Variants in OTUD7A observed in about 807,000 individuals in gnomAD.
OTUD7A encodes OTU deubiquitinase 7A, also known as OTU domain-containing protein 7A.
OTUD7A carries 12 observed loss-of-function variants against 65.7 expected under a neutral mutation model. That is an observed-to-expected ratio of 0.18 (90% CI 0.12 to 0.30). The LOEUF (loss-of-function observed/expected upper bound fraction) is 0.30, where lower values mean the gene tolerates loss of function less well. Among genes scored for constraint, OTUD7A ranks in the 10% least tolerant of loss-of-function variants. The pLI is 1.00. For synonymous variants in OTUD7A, 641 were observed against 586.3 expected, an observed-to-expected ratio of 1.09 and a Z score of -1.35; for missense variants, 1,148 against 1,304.8, an observed-to-expected ratio of 0.88 and a Z score of 1.85.
intron 1 of OTUD7A, among the ~76,000 whole-genome samples, chr15:31,709,852 A>T (rs900965719): frequency 2.0e-5 from 3 of 152,150 alleles, no homozygotes; most frequent in African/African-American, 7.2e-5. Context: ...CACACACACA[A>T]GTGTGTGTGT....
intron 1 of OTUD7A, among the ~76,000 whole-genome samples, chr15:31,723,386 C>T (rs1420693690): frequency 2.3e-5 from 2 of 86,206 alleles, no homozygotes; most frequent in Non-Finnish European, 4.8e-5. Context: ...CCCCCCGCAC[C>T]GCACGCCACC....
intron 3 of OTUD7A, among the ~76,000 whole-genome samples, chr15:31,635,472 A>G (rs1891311299): frequency 6.6e-6 from 1 of 152,228 alleles, no homozygotes; most frequent in Non-Finnish European, 1.5e-5. Flanking sequence ...CCTTCCCAGC[A>G]GCCAATGGAA....
chr15:31,868,235 T>C (rs1000128784), intron 1 of OTUD7A, among the ~76,000 whole-genome samples: 6 of 152,232 alleles, frequency 3.9e-5, no homozygotes, highest in African/African-American at 7.2e-5. Context: ...TGAAGAGGCT[T>C]TAAAGCGGTT....
chr15:31,827,601 T>C (rs1448613348), intron 1 of OTUD7A, among the ~76,000 whole-genome samples: 1 of 152,208 alleles, frequency 6.6e-6, no homozygotes, highest in Non-Finnish European at 1.5e-5. Flanking sequence ...TATTGTATAC[T>C]TTAATGTTCT....
At chr15:31,579,634 G>T (rs1460000143) in intron 3 of OTUD7A, among the ~76,000 whole-genome samples, 1 of 152,180 alleles carries the variant, frequency 6.6e-6, no homozygotes, top group East Asian at 1.9e-4. Context: ...TTGACCACAG[G>T]TAAAACTGAA....
At chr15:31,771,024 A>G (rs1359744130) in intron 1 of OTUD7A, among the ~76,000 whole-genome samples, 1 of 152,242 alleles carries the variant, frequency 6.6e-6, no homozygotes, top group East Asian at 1.9e-4. Context: ...CTTGCCCCTC[A>G]TGGTCCACAT....
At chr15:31,489,105 C>G (rs1381187559) in intron 10 of OTUD7A, among the ~76,000 whole-genome samples, 1 of 152,172 alleles carries the variant, frequency 6.6e-6, no homozygotes, top group African/African-American at 2.4e-5. Context: ...GCAGCCTGTC[C>G]CATAGTTCTA....
intron 1 of OTUD7A, among the ~76,000 whole-genome samples, chr15:31,729,905 T>A (rs1893994578): frequency 6.6e-6 from 1 of 152,174 alleles, no homozygotes; most frequent in Non-Finnish European, 1.5e-5. Flanking sequence ...CCACTGGGTC[T>A]CATGTGTGCT....
At chr15:31,621,760 T>C (rs12324369) in intron 3 of OTUD7A, among the ~76,000 whole-genome samples, 37,259 of 142,540 alleles carry the variant, frequency 0.26, 5,970 homozygotes, top group African/African-American at 0.44. Flanking sequence ...ATTTAGCCCA[T>C]TTACATTTAA....
chr15:31,619,424 T>C (rs1291476080), intron 3 of OTUD7A, among the ~76,000 whole-genome samples: 1 of 152,232 alleles, frequency 6.6e-6, no homozygotes, highest in African/African-American at 2.4e-5. Flanking sequence ...TGTTCTTCCA[T>C]TTGTTTGTAT....
At chr15:31,541,338 T>G (rs567173454) in intron 5 of OTUD7A, among the ~76,000 whole-genome samples, 39 of 152,342 alleles carry the variant, frequency 2.6e-4, no homozygotes, top group Non-Finnish European at 4.3e-4. Flanking sequence ...AAAAGATTTC[T>G]TATATCCCTA....
At chr15:31,618,931 C>T (rs535157741) in intron 3 of OTUD7A, among the ~76,000 whole-genome samples, 9 of 152,194 alleles carry the variant, frequency 5.9e-5, no homozygotes, top group Admixed American at 5.2e-4. Flanking sequence ...GTCTTTAATC[C>T]ATCTTGAATT....
At chr15:31,780,806 T>C (rs1245336249) in intron 1 of OTUD7A, among the ~76,000 whole-genome samples, 1 of 152,236 alleles carries the variant, frequency 6.6e-6, no homozygotes, top group Non-Finnish European at 1.5e-5. Flanking sequence ...GGGCTGTCAT[T>C]GGATCTGATG....
chr15:31,828,076 G>A (rs1477739743), intron 1 of OTUD7A, among the ~76,000 whole-genome samples: 1 of 152,098 alleles, frequency 6.6e-6, no homozygotes, highest in African/African-American at 2.4e-5. Flanking sequence ...CATCATTTTG[G>A]TTTTTTCTTT....
At chr15:31,755,503 C>T (rs578070026) in intron 1 of OTUD7A, among the ~76,000 whole-genome samples, 8 of 152,152 alleles carry the variant, frequency 5.3e-5, no homozygotes, top group African/African-American at 1.7e-4. Context: ...GGGTGGATCA[C>T]GAGGTCAGGA....
intron 1 of OTUD7A, among the ~76,000 whole-genome samples, chr15:31,840,315 G>A (rs1897152806): frequency 6.6e-6 from 1 of 152,130 alleles, no homozygotes; most frequent in African/African-American, 2.4e-5. Flanking sequence ...GCGCACGCCT[G>A]TAATCTCAGC....
At chr15:31,693,499 CA>C (rs1893005227) in intron 1 of OTUD7A, among the ~76,000 whole-genome samples, 1 of 151,926 alleles carries the variant, frequency 6.6e-6, no homozygotes, top group Admixed American at 6.5e-5. Flanking sequence ...GTTTCTAAAA[CA>C]AAACAGGCAT....
At chr15:31,578,988 T>C (rs1289084295) in intron 3 of OTUD7A, among the ~76,000 whole-genome samples, 5 of 152,224 alleles carry the variant, frequency 3.3e-5, no homozygotes, top group African/African-American at 7.2e-5. Context: ...GTCACTCATA[T>C]TTGGCTCCAA....
At chr15:31,492,123 A>G (rs1277504776) in intron 10 of OTUD7A, among the ~76,000 whole-genome samples, 2 of 152,242 alleles carry the variant, frequency 1.3e-5, no homozygotes, top group Non-Finnish European at 2.9e-5. Flanking sequence ...GCTCTAACAG[A>G]TAACTGTCTA....
Sources: gnomAD v4.1 joint callset for allele counts (sites outside exome capture counted in the v4.1 genomes callset) on GRCh38, gnomAD v4.1.1 for gene constraint, MANE v1.5 for transcripts, NCBI Gene and HGNC (gene_info 2026-07-23, HGNC 2026-07-21) for gene names.